BCL2L11: variants seen among roughly 807,000 people sequenced by gnomAD.
BCL2L11 encodes BCL2 like 11, also known as bcl-2-like protein 11.
Under a neutral mutation model 20.6 loss-of-function variants are expected in BCL2L11, and 15 were observed. That is an observed-to-expected ratio of 0.73 (90% CI 0.49 to 1.12). The LOEUF (loss-of-function observed/expected upper bound fraction) is 1.12, where lower values mean the gene tolerates loss of function less well. Ranked by LOEUF, BCL2L11 falls within the 50% of genes most tolerant of loss-of-function variation. The pLI, the probability that BCL2L11 is intolerant of heterozygous loss-of-function variation, is 0.00. For synonymous variants in BCL2L11, 108 were observed against 92.8 expected, an observed-to-expected ratio of 1.16 and a Z score of -0.94; for missense variants, 292 against 260.9, an observed-to-expected ratio of 1.12 and a Z score of -0.82.
chr2:111,160,701 G>C (rs1227246242), intron 3 of BCL2L11, among the ~76,000 whole-genome samples: 1 of 152,160 alleles, frequency 6.6e-6, no homozygotes, highest in Non-Finnish European at 1.5e-5. Flanking sequence ...AGAGAGGAGA[G>C]AACTGTAGTA....
chr2:111,154,245 T>C (rs1372890758), intron 3 of BCL2L11, among the ~76,000 whole-genome samples: 1 of 152,076 alleles, frequency 6.6e-6, no homozygotes, highest in Admixed American at 6.5e-5. Flanking sequence ...TAATCCCTTA[T>C]GTAACCACAG....
intron 3 of BCL2L11, 69 bp downstream of exon 3, chr2:111,150,216 G>A (rs1378219207): frequency 6.4e-7 from 1 of 1,558,020 alleles, no homozygotes; most frequent in Non-Finnish European, 8.7e-7. Flanking sequence ...TTTTTAAAAA[G>A]ACAGTGACTT....
At chr2:111,150,465 T>G (rs535991705) in intron 3 of BCL2L11, among the ~76,000 whole-genome samples, 66 of 152,380 alleles carry the variant, frequency 4.3e-4, no homozygotes, top group Non-Finnish European at 7.3e-5. Context: ...TTTCAATCCA[T>G]GTAGTGTGTT....
intron 2 of BCL2L11, chr2:111,130,109 C>CTTTTTT: frequency 5.9e-6 from 2 of 341,084 alleles, no homozygotes; most frequent in South Asian, 2.1e-5. Context: ...TTTTACTTCT[C>CTTTTTT]TTTTTTTTTT....
intron 2 of BCL2L11, among the ~76,000 whole-genome samples, chr2:111,128,166 A>T (rs2073087299): frequency 6.6e-6 from 1 of 152,076 alleles, no homozygotes; most frequent in East Asian, 2.0e-4. Flanking sequence ...ACAACTTCAG[A>T]TACCTTATAT....
Position 111,123,123 on chromosome 2 carries a change from G to T in BCL2L11, c.-13-610G>T, listed in dbSNP as rs555561468. 160 of 983,070 alleles carry T rather than the reference G, an allele frequency of 1.6e-4. 3 individuals are homozygous for T. In the South Asian group the frequency reaches 6.7e-3, roughly 41 times the overall value. The allele number at this position is 983,070 out of a possible 1,614,324, so 60.9% of individuals were successfully genotyped here. A position where few individuals can be genotyped will look rare whatever the true frequency, so the allele number is the denominator to read the frequency against. Reference sequence around the variant, plus strand: ...AGAGAAGTTCTGTCTGATTCGGTGCGGCGTGCGGTACGGGAGCGGGAGGGA... The same window carrying T: ...AGAGAAGTTCTGTCTGATTCGGTGCTGCGTGCGGTACGGGAGCGGGAGGGA... On this transcript the variant is annotated intron_variant, in intron 1 of 3. Coordinates refer to ENST00000393256, the MANE Select transcript of BCL2L11 (RefSeq NM_138621.5).
At chr2:111,122,468 G>A (rs911899753) in intron 1 of BCL2L11, among the ~76,000 whole-genome samples, 6 of 152,172 alleles carry the variant, frequency 3.9e-5, no homozygotes, top group Admixed American at 2.6e-4. Flanking sequence ...GTCAACAATC[G>A]CCTCGCCTTT....
intron 2 of BCL2L11, among the ~76,000 whole-genome samples, chr2:111,125,167 T>A (rs2072271979): frequency 6.6e-6 from 1 of 152,248 alleles, no homozygotes; most frequent in South Asian, 2.1e-4. Context: ...AACCTAGGAA[T>A]GCAAAATTGA....
chr2:111,145,993 C>G (rs1369364937), intron 2 of BCL2L11: 4 of 982,000 alleles, frequency 4.1e-6, no homozygotes, highest in East Asian at 1.1e-4. Flanking sequence ...TCACCTCTGC[C>G]TGAGTCTGCT....
At chr2:111,154,511 T>C (rs941713487) in intron 3 of BCL2L11, among the ~76,000 whole-genome samples, 1 of 152,248 alleles carries the variant, frequency 6.6e-6, no homozygotes, top group African/African-American at 2.4e-5. Flanking sequence ...ATCAGGGCAG[T>C]TGTAATTTGC....
chr2:111,158,215 T>C (rs1407681113), intron 3 of BCL2L11, among the ~76,000 whole-genome samples: 1 of 152,232 alleles, frequency 6.6e-6, no homozygotes, highest in African/African-American at 2.4e-5. Flanking sequence ...CTCTGACTTC[T>C]GTGTCACTTA....
At chr2:111,128,322 C>T (rs186992773) in intron 2 of BCL2L11, among the ~76,000 whole-genome samples, 1 of 152,188 alleles carries the variant, frequency 6.6e-6, no homozygotes, top group Non-Finnish European at 1.5e-5. Context: ...ATATCACATA[C>T]TTCATTTATC....
In BCL2L11 at chr2:111,164,610, G is replaced by A. The variant is rs115106683; in HGVS notation, c.*379G>A. On this transcript the variant is annotated 3_prime_UTR_variant, in exon 4 of 4. Transcript: ENST00000393256. Reference sequence around the variant, plus strand: ...TTTAACCAATTTGTGAATAACTTTTGTATTAAAATTTTAAGAACCTACGGC... The same window carrying A: ...TTTAACCAATTTGTGAATAACTTTTATATTAAAATTTTAAGAACCTACGGC... 1,847 of 163,412 alleles carry A rather than the reference G, an allele frequency of 0.011. 38 individuals are homozygous for A. The highest frequency in any genetic ancestry group is 0.042 in the African/African-American group (1,750 of 41,884). 10.1% of individuals were successfully genotyped at this position (163,412 alleles called of 1,614,324 possible).
intron 2 of BCL2L11, among the ~76,000 whole-genome samples, chr2:111,128,372 T>G (rs1428658406): frequency 6.6e-6 from 1 of 152,152 alleles, no homozygotes; most frequent in Non-Finnish European, 1.5e-5. Flanking sequence ...CTTCCACTTT[T>G]TGGCTATTGT....
chr2:111,124,290 C>T (rs2150150226), intron 2 of BCL2L11, 151 bp downstream of exon 2: 1 of 921,812 alleles, frequency 1.1e-6, no homozygotes, highest in Non-Finnish European at 1.5e-6. Context: ...ACTATCAAAC[C>T]AACTTTTTTT....
intron 2 of BCL2L11, among the ~76,000 whole-genome samples, chr2:111,127,093 T>C (rs893479910): frequency 1.3e-5 from 2 of 152,196 alleles, no homozygotes; most frequent in African/African-American, 4.8e-5. Flanking sequence ...GTTTTTTCAC[T>C]TTTCCTCAAT....
chr2:111,121,849 T>G (rs938737541), intron 1 of BCL2L11, among the ~76,000 whole-genome samples: 1 of 152,158 alleles, frequency 6.6e-6, no homozygotes, highest in Admixed American at 6.5e-5. Context: ...ATCTAGGTCC[T>G]CCCCTGACCA....
chr2:111,144,353 A>C (rs1257455676), intron 2 of BCL2L11: 5 of 920,802 alleles, frequency 5.4e-6, no homozygotes, highest in Non-Finnish European at 8.5e-6. Flanking sequence ...ATAGACCTGG[A>C]GGGAGGTGTG....
intron 2 of BCL2L11, among the ~76,000 whole-genome samples, chr2:111,125,938 T>G (rs1298800252): frequency 6.6e-6 from 1 of 152,172 alleles, no homozygotes; most frequent in Non-Finnish European, 1.5e-5. Context: ...TACTATAACA[T>G]CCTTGCTTAC....
Sources: gnomAD v4.1 joint callset for allele counts (sites outside exome capture counted in the v4.1 genomes callset) on GRCh38, gnomAD v4.1.1 for gene constraint, MANE v1.5 for transcripts, NCBI Gene and HGNC (gene_info 2026-07-23, HGNC 2026-07-21) for gene names.